KIR2DL1: variants seen among roughly 807,000 people sequenced by gnomAD.
The protein encoded by KIR2DL1 is killer cell immunoglobulin-like receptor 2DL1.
KIR2DL1 carries 38 observed loss-of-function variants against 33.9 expected under a neutral mutation model. The observed-to-expected ratio is 1.12, with a 90% CI of 0.86 to 1.47. KIR2DL1 has a LOEUF of 1.47. Among genes scored for constraint, KIR2DL1 ranks in the 40% most tolerant of loss-of-function variants. KIR2DL1 has a pLI of 0.00. For synonymous variants in KIR2DL1, 179 were observed against 165.9 expected (o/e 1.08, Z -0.61); for missense variants, 531 against 433.9 (o/e 1.22, Z -1.99).
intron 1 of KIR2DL1, 87 bp from the exon 2 acceptor site, chr19:54,770,762 G>T (rs1379376643): frequency 2.8e-6 from 4 of 1,441,036 alleles, no homozygotes; most frequent in African/African-American, 2.7e-5. Flanking sequence ...GAAGGGCCTG[G>T]CTACCAAGAC....
chr19:54,782,320 G>C (rs1452387644), intron 5 of KIR2DL1, among the ~76,000 whole-genome samples: 2 of 151,970 alleles, frequency 1.3e-5, no homozygotes, highest in Non-Finnish European at 2.9e-5. Context: ...AGGAACACTT[G>C]AGCCTCGGTA....
intron 5 of KIR2DL1, among the ~76,000 whole-genome samples, chr19:54,779,194 C>CT (rs1209593870): frequency 6.8e-6 from 1 of 147,618 alleles, no homozygotes; most frequent in Non-Finnish European, 1.5e-5. Flanking sequence ...AGTGTGGAAC[C>CT]TTTTCCTATT....
intron 2 of KIR2DL1, among the ~76,000 whole-genome samples, chr19:54,771,326 C>T (rs1477166923): frequency 1.3e-5 from 2 of 148,548 alleles, no homozygotes; most frequent in African/African-American, 4.9e-5. Flanking sequence ...TCTCAAAGGA[C>T]ATGCCCTCCA....
chr19:54,777,834 A>T (rs1303396393), intron 4 of KIR2DL1, among the ~76,000 whole-genome samples: 1 of 148,022 alleles, frequency 6.8e-6, no homozygotes, highest in South Asian at 2.1e-4. Context: ...ATCCATTTTC[A>T]TTTGATTTTT....
rs902808785 is a variant in KIR2DL1, at chr19:54,778,648, C to A, written c.701C>A (p.Pro234Gln). ...AATAGTTGGCCTTCACCCACTGAAC[C>A]AAGCTCCAAAACCGGTGAGTACAGA... ...PSNSWPSPTE[P>Q]SSKTGNPRHL... is the part of the protein sequence containing the mutation. Residue 234 changes from proline to glutamine, a missense_variant, in exon 5 of 8, where the codon CCA becomes CAA. By Grantham distance (76) the Pro-to-Gln change is moderately conservative. Coordinates refer to ENST00000336077, the MANE Select transcript of KIR2DL1 (RefSeq NM_014218.3). The A allele has an allele frequency of 3.2e-6, 5 of 1,566,668 alleles. No individual in the cohort carries two copies. The highest frequency in any genetic ancestry group is 4.4e-6 in the Non-Finnish European group (5 of 1,143,974).
At chr19:54,770,348 G>T (rs1446295019) in intron 1 of KIR2DL1, among the ~76,000 whole-genome samples, 1 of 144,174 alleles carries the variant, frequency 6.9e-6, no homozygotes, top group Non-Finnish European at 1.5e-5. Context: ...TATGGGCCAG[G>T]AGTGGAGATA....
Position 54,775,226 on chromosome 19 carries a change from T to G in KIR2DL1, c.432T>G (p.Asn144Lys). 6.5e-7 allele frequency: 1 copy of G among 1,528,820 alleles called. No individual in the cohort carries two copies. Among genetic ancestry groups the G allele is most frequent in the Non-Finnish European group, 8.9e-7 (1 of 1,129,606 alleles). 94.7% of individuals were successfully genotyped at this position (1,528,820 alleles called of 1,614,324 possible). Reference protein sequence around the residue: ...QLGPTVLAGENVTLSCSSRSS... With the variant: ...QLGPTVLAGEKVTLSCSSRSS... ...GCCCCACGGTTCTGGCAGGAGAGAA[T>G]GTGACCTTGTCCTGCAGCTCCCGGA... The change falls in exon 4 of 8, where the codon AAT (asparagine) becomes AAG (lysine). Residue 144 changes from asparagine (N) to lysine (K), a missense_variant. Asn to Lys is a moderately conservative substitution (Grantham distance 94). Transcript: ENST00000336077.
intron 4 of KIR2DL1, among the ~76,000 whole-genome samples, chr19:54,775,900 AT>A (rs557368150): frequency 7.6e-5 from 11 of 144,266 alleles, no homozygotes; most frequent in South Asian, 2.2e-4. Context: ...CACTTTTAAC[AT>A]TTTTTTTTGA....
At position 54,772,988 on chromosome 19, in the gene KIR2DL1, C is replaced by A. The variant is rs541067635; in HGVS notation, c.71-345C>A. Among the ~76,000 whole-genome samples the A allele has an allele frequency of 6.3e-3, 938 of 148,300 alleles. 78 individuals are homozygous for A. The highest frequency in any genetic ancestry group is 0.022 in the African/African-American group (878 of 40,762). On this transcript the variant is annotated intron_variant, in intron 2 of 7. Coordinates refer to ENST00000336077, the MANE Select transcript of KIR2DL1 (RefSeq NM_014218.3). The stretch of plus-strand genomic sequence containing the variant: ...TCCAATTCGTCCAAAAGAGATTGAA[C>A]CAGGCTGCTAAGAGCCTGGATGTGC...
intron 1 of KIR2DL1, among the ~76,000 whole-genome samples, 198 bp downstream of exon 1, chr19:54,770,082 T>G (rs1362308895): frequency 8.3e-6 from 1 of 119,934 alleles, no homozygotes; most frequent in Non-Finnish European, 1.7e-5. Flanking sequence ...GGCCTGGAGG[T>G]GGAGTGATGG....
rs565293237 is a variant in KIR2DL1, at chr19:54,778,699, C to T, written c.715+37C>T. On this transcript the variant is annotated intron_variant, in intron 5 of 7. Transcript: ENST00000336077. ...ACCCTCTTATATCCGCTTTTGGAACCCTGGGGAGGTGGGAACCTTGGATTC... is the reference window on the plus strand; with the variant it reads ...ACCCTCTTATATCCGCTTTTGGAACTCTGGGGAGGTGGGAACCTTGGATTC... 5.1e-5 allele frequency: 75 copies of T among 1,472,500 alleles called. 7 individuals are homozygous for T. The highest frequency in any genetic ancestry group is 6.3e-5 in the Non-Finnish European group (68 of 1,072,494). 91.2% of individuals were successfully genotyped at this position (1,472,500 alleles called of 1,614,324 possible).
chr19:54,772,195 G>A (rs1230663200), intron 2 of KIR2DL1, among the ~76,000 whole-genome samples: 1 of 147,644 alleles, frequency 6.8e-6, no homozygotes, highest in Non-Finnish European at 1.5e-5. Context: ...TGTCCTGATG[G>A]GCTCAGTGTA....
chr19:54,781,692 C>T (rs2076969052), intron 5 of KIR2DL1, among the ~76,000 whole-genome samples: 1 of 152,064 alleles, frequency 6.6e-6, no homozygotes, highest in Non-Finnish European at 1.5e-5. Flanking sequence ...TAATATGTGT[C>T]TCCCGAGATC....
At chr19:54,778,829 G>A (rs1403448272) in intron 5 of KIR2DL1, among the ~76,000 whole-genome samples, 167 bp downstream of exon 5, 3 of 148,084 alleles carry the variant, frequency 2.0e-5, no homozygotes, top group Non-Finnish European at 3.0e-5. Context: ...CCCAACACAG[G>A]GCTCAGTGAA....
chr19:54,778,935 G>C (rs778342117), intron 5 of KIR2DL1, among the ~76,000 whole-genome samples: 2 of 147,274 alleles, frequency 1.4e-5, no homozygotes, highest in African/African-American at 2.5e-5. Flanking sequence ...TGCAATGTTT[G>C]TTCTACCTGC....
At chr19:54,780,740 A>G (rs4969514) in intron 5 of KIR2DL1, among the ~76,000 whole-genome samples, 2,875 of 114,398 alleles carry the variant, frequency 0.025, 163 homozygotes, top group African/African-American at 0.051. Flanking sequence ...GGAAAGGCTT[A>G]CTGGGTTTGA....
intron 5 of KIR2DL1, among the ~76,000 whole-genome samples, chr19:54,780,509 T>A (rs2076817376): frequency 7.0e-6 from 1 of 143,300 alleles, no homozygotes; most frequent in Non-Finnish European, 1.5e-5. Context: ...AGTGTGTGTT[T>A]GACACTCACA....
intron 5 of KIR2DL1, 53 bp downstream of exon 5, chr19:54,778,715 C>A (rs2076634475): frequency 2.1e-6 from 3 of 1,429,948 alleles, no homozygotes; most frequent in Admixed American, 1.8e-5. Flanking sequence ...GAGGTGGGAA[C>A]CTTGGATTCA....
chr19:54,773,290 G>A (rs772683297), intron 2 of KIR2DL1, 43 bp from the exon 3 acceptor site: 5 of 1,545,300 alleles, frequency 3.2e-6, no homozygotes, highest in Non-Finnish European at 3.5e-6. Flanking sequence ...TGGATGGGAT[G>A]ATAAAGAGAG....
Sources: allele counts gnomAD v4.1 joint callset (sites outside exome capture counted in the v4.1 genomes callset), GRCh38; gene constraint gnomAD v4.1.1; transcripts MANE v1.5; gene names NCBI Gene and HGNC (gene_info 2026-07-23, HGNC 2026-07-21).